The following LPP variants were observed in gnomAD, a reference collection of about 807,000 sequenced individuals.
The protein encoded by LPP is lipoma-preferred partner.
Under a neutral mutation model 60.4 loss-of-function variants are expected in LPP, and 38 were observed. The ratio of observed to expected loss-of-function variants is 0.63; its 90% CI spans 0.49 to 0.83. The LOEUF (loss-of-function observed/expected upper bound fraction) is 0.83. LPP is among the 40% of genes least tolerant of loss of function. LPP has a pLI of 0.00. For synonymous variants in LPP, 328 were observed against 290.8 expected (o/e 1.13, Z -1.30); for missense variants, 902 against 783.6 (o/e 1.15, Z -1.80).
intron 4 of LPP, chr3:188,472,678 A>C (rs1802144499): frequency 6.6e-6 from 1 of 152,200 alleles, no homozygotes; most frequent in African/African-American, 2.4e-5. Flanking sequence ...TTGAAGCAAG[A>C]GAATGAGCCC....
chr3:188,636,200 C>T (rs1326571551), intron 7 of LPP, among the ~76,000 whole-genome samples: 1 of 152,198 alleles, frequency 6.6e-6, no homozygotes, highest in Admixed American at 6.5e-5. Flanking sequence ...TGGGTGCGCG[C>T]ACCGTGTGCG....
intron 9 of LPP, among the ~76,000 whole-genome samples, chr3:188,827,954 A>C (rs1756021714): frequency 6.6e-6 from 1 of 152,042 alleles, no homozygotes; most frequent in South Asian, 2.1e-4. Context: ...GGTACATCTC[A>C]TCCCTCTTCT....
At chr3:188,260,104 A>G (rs754759875) in intron 2 of LPP, among the ~76,000 whole-genome samples, 2 of 152,102 alleles carry the variant, frequency 1.3e-5, no homozygotes, top group African/African-American at 2.4e-5. Flanking sequence ...CAGTGGCACG[A>G]TCTCGGCTGA....
intron 5 of LPP, among the ~76,000 whole-genome samples, chr3:188,488,622 TTTTATTTATTTA>T (rs72105648): frequency 8.0e-5 from 12 of 149,696 alleles, no homozygotes; most frequent in Admixed American, 5.3e-4. Flanking sequence ...GGTCAGTTAG[TTTTATTTATTTA>T]TTTATTTATT....
At chr3:188,395,135 G>C (rs1347942613) in intron 3 of LPP, among the ~76,000 whole-genome samples, 1 of 151,966 alleles carries the variant, frequency 6.6e-6, no homozygotes, top group Non-Finnish European at 1.5e-5. Flanking sequence ...TATATCTCTG[G>C]TACCACTTTA....
intron 7 of LPP, among the ~76,000 whole-genome samples, chr3:188,616,919 A>G (rs1260695119): frequency 6.6e-6 from 1 of 152,174 alleles, no homozygotes; most frequent in Non-Finnish European, 1.5e-5. Flanking sequence ...ATAGATTTTT[A>G]TATACTCCCT....
chr3:188,155,884 G>A (rs1396187688), intron 1 of LPP, among the ~76,000 whole-genome samples: 3 of 151,988 alleles, frequency 2.0e-5, no homozygotes, highest in East Asian at 3.9e-4. Context: ...GTGTGGTGGC[G>A]GGGAACTGTA....
rs116461510 is a variant in LPP at position 188,630,021 on chromosome 3, A to G, written c.1113+20177A>G. 4.6e-3 allele frequency among the ~76,000 whole-genome samples: 700 copies of G among 152,280 alleles called. 3 individuals carry two copies. Among genetic ancestry groups the G allele is most frequent in the African/African-American group, 0.016 (659 of 41,554 alleles). ...CCTAAATCTATAAAAATCTTAGAAG[A>G]AAACCTAGGAAATTATATTCTAGAA... On this transcript the variant is annotated intron_variant, in intron 7 of 11. Transcript: ENST00000617246.
intron 7 of LPP, among the ~76,000 whole-genome samples, chr3:188,679,374 G>A (rs986686830): frequency 1.3e-5 from 2 of 151,990 alleles, no homozygotes; most frequent in Non-Finnish European, 2.9e-5. Context: ...TATAATAGGA[G>A]CCACTCAATT....
intron 8 of LPP, among the ~76,000 whole-genome samples, chr3:188,741,298 A>G (rs963138322): frequency 6.6e-6 from 1 of 151,850 alleles, no homozygotes; most frequent in Non-Finnish European, 1.5e-5. Context: ...CTTTGTATCT[A>G]TCCTTGTGCT....
chr3:188,268,389 TG>T (rs2149764190), intron 2 of LPP, among the ~76,000 whole-genome samples: 1 of 152,368 alleles, frequency 6.6e-6, no homozygotes, highest in South Asian at 2.1e-4. Context: ...ATTCGTGAAT[TG>T]GGCAGGCCCC....
chr3:188,485,714 G>T (rs951458380), intron 5 of LPP, among the ~76,000 whole-genome samples: 1 of 148,110 alleles, frequency 6.8e-6, no homozygotes. Flanking sequence ...GGAGAATGGC[G>T]TGAACCCGGG....
chr3:188,684,818 G>A (rs955680168), intron 7 of LPP, among the ~76,000 whole-genome samples: 1 of 151,938 alleles, frequency 6.6e-6, no homozygotes, highest in African/African-American at 2.4e-5. Flanking sequence ...ATAGGATGAT[G>A]ATGGTGCTCA....
intron 2 of LPP, among the ~76,000 whole-genome samples, chr3:188,239,121 A>G (rs1212465153): frequency 6.6e-6 from 1 of 152,218 alleles, no homozygotes; most frequent in Admixed American, 6.5e-5. Flanking sequence ...TGCAGCTTTG[A>G]ACAAGTCCAG....
At chr3:188,468,444 T>C (rs1178446415) in intron 4 of LPP, among the ~76,000 whole-genome samples, 2 of 152,126 alleles carry the variant, frequency 1.3e-5, no homozygotes, top group African/African-American at 4.8e-5. Flanking sequence ...AAACAGGAGG[T>C]GGTCTGGATT....
At chr3:188,561,793 A>G (rs1414342497) in intron 6 of LPP, among the ~76,000 whole-genome samples, 2 of 152,012 alleles carry the variant, frequency 1.3e-5, no homozygotes, top group Non-Finnish European at 2.9e-5. Context: ...ATTTCCACAG[A>G]TATTTATTGA....
intron 9 of LPP, among the ~76,000 whole-genome samples, chr3:188,828,448 T>C (rs960663404): frequency 4.7e-5 from 6 of 128,726 alleles, no homozygotes; most frequent in African/African-American, 1.8e-4. Flanking sequence ...CTACTAAAAA[T>C]ACAAAAAAAA....
chr3:188,809,132 T>C (rs780797919), intron 9 of LPP, among the ~76,000 whole-genome samples: 3 of 152,182 alleles, frequency 2.0e-5, no homozygotes, highest in Non-Finnish European at 4.4e-5. Context: ...AAAATAGTGC[T>C]GCAGTAAACA....
At chr3:188,858,771 A>C (rs1228259973) in intron 9 of LPP, among the ~76,000 whole-genome samples, 1 of 152,156 alleles carries the variant, frequency 6.6e-6, no homozygotes, top group Non-Finnish European at 1.5e-5. Flanking sequence ...ATAGTAACAC[A>C]TAGGTTTTGT....
Sources: allele counts gnomAD v4.1 joint callset (sites outside exome capture counted in the v4.1 genomes callset), GRCh38; gene constraint gnomAD v4.1.1; transcripts MANE v1.5; gene names NCBI Gene and HGNC (gene_info 2026-07-23, HGNC 2026-07-21).